The following FLACC1 variants were observed in gnomAD, a reference collection of about 807,000 sequenced individuals.
The protein encoded by FLACC1 is flagellum associated containing coiled-coil domains 1.
FLACC1 carries 66 observed loss-of-function variants against 62.8 expected under a neutral mutation model. The observed-to-expected ratio is 1.05, with a 90% CI of 0.86 to 1.29. The LOEUF (loss-of-function observed/expected upper bound fraction) is 1.29. Among genes scored for constraint, FLACC1 ranks in the 50% most tolerant of loss-of-function variants. The pLI is 0.00. For missense variants in FLACC1, 452 were observed against 489.1 expected (o/e 0.92, Z 0.71); for synonymous variants, 156 against 161.0 (o/e 0.97, Z 0.24).
intron 7 of FLACC1, among the ~76,000 whole-genome samples, chr2:201,338,516 A>G (rs1005938884): frequency 6.6e-6 from 1 of 152,142 alleles, no homozygotes; most frequent in Non-Finnish European, 1.5e-5. Context: ...TTCCCTGTTC[A>G]GTATGATGAT....
At chr2:201,300,670 G>A (rs752561313) in intron 11 of FLACC1, among the ~76,000 whole-genome samples, 13 of 151,862 alleles carry the variant, frequency 8.6e-5, no homozygotes, top group Non-Finnish European at 1.5e-4. Flanking sequence ...GGGAGGCACC[G>A]CCCAGTAGGG....
intron 6 of FLACC1, among the ~76,000 whole-genome samples, chr2:201,343,162 G>T (rs2125611820): frequency 6.6e-6 from 1 of 152,216 alleles, no homozygotes; most frequent in South Asian, 2.1e-4. Flanking sequence ...CCTTCCACAG[G>T]GCCACACAAC....
intron 9 of FLACC1, among the ~76,000 whole-genome samples, chr2:201,328,063 C>T (rs1412182775): frequency 6.6e-6 from 1 of 151,954 alleles, no homozygotes; most frequent in Admixed American, 6.6e-5. Context: ...GAGTGGAAAA[C>T]CAAAAACTGT....
At chr2:201,334,175 A>AT (rs1156543890) in intron 7 of FLACC1, among the ~76,000 whole-genome samples, 2 of 9,216 alleles carry the variant, frequency 2.2e-4, no homozygotes, top group African/African-American at 2.4e-4. Context: ...GAAGATGAGC[A>AT]TTTTTTCATG....
chr2:201,346,785 C>A lies in FLACC1; in HGVS notation c.235-110G>T. ...TCTTAAAAACAGGGACCTGGGACTC[C>A]ACAGCCCAAGCCCTTCTGGGCCCTT... On this transcript the variant is annotated intron_variant, in intron 4 of 14. Coordinates refer to ENST00000392257, the MANE Select transcript of FLACC1 (RefSeq NM_001127391.3). This position sits in a 1 kb window ranked among gnomAD's most constrained non-coding sequence, Gnocchi z 4.0. The A allele has an allele frequency of 7.2e-7, 1 of 1,394,310 alleles. No homozygotes were observed. The highest frequency in any genetic ancestry group is 2.3e-5 in the East Asian group (1 of 43,100). 86.4% of individuals were successfully genotyped at this position (1,394,310 alleles called of 1,614,324 possible).
chr2:201,303,118 T>A (rs1490793820), intron 11 of FLACC1, among the ~76,000 whole-genome samples: 1 of 151,622 alleles, frequency 6.6e-6, no homozygotes, highest in Non-Finnish European at 1.5e-5. Context: ...CAAAAACCCT[T>A]CAAAAAATCA....
At chr2:201,303,654 G>A (rs558769880) in intron 11 of FLACC1, among the ~76,000 whole-genome samples, 1 of 152,300 alleles carries the variant, frequency 6.6e-6, no homozygotes, top group South Asian at 2.1e-4. Flanking sequence ...CAATATCCCT[G>A]ATGAACATCG....
At chr2:201,304,436 G>A (rs1371652431) in intron 11 of FLACC1, among the ~76,000 whole-genome samples, 2 of 152,088 alleles carry the variant, frequency 1.3e-5, no homozygotes, top group African/African-American at 2.4e-5. Context: ...AAAAGAGGAT[G>A]CAAACAAATG....
intron 9 of FLACC1, among the ~76,000 whole-genome samples, chr2:201,319,439 A>C (rs1175385921): frequency 1.3e-5 from 2 of 152,210 alleles, no homozygotes; most frequent in Non-Finnish European, 2.9e-5. Context: ...ACCATTCTGA[A>C]CACTGGCCTT....
intron 9 of FLACC1, among the ~76,000 whole-genome samples, chr2:201,318,552 C>T (rs1232174092): frequency 6.6e-6 from 1 of 152,038 alleles, no homozygotes; most frequent in Non-Finnish European, 1.5e-5. Flanking sequence ...GAGATACCAC[C>T]TTACTCCTAC....
chr2:201,323,784 C>CAATAAAAAA (rs1950448445), intron 9 of FLACC1, among the ~76,000 whole-genome samples: 1 of 52,768 alleles, frequency 1.9e-5, no homozygotes, highest in Non-Finnish European at 3.3e-5. Context: ...CAGACTCTAT[C>CAATAAAAAA]AAAAAAAAAA....
At chr2:201,343,346 C>T (rs909148606) in intron 6 of FLACC1, among the ~76,000 whole-genome samples, 4 of 152,206 alleles carry the variant, frequency 2.6e-5, no homozygotes, top group African/African-American at 9.7e-5. Flanking sequence ...TGTTTAACTT[C>T]CCTGAGTCTC....
intron 12 of FLACC1, among the ~76,000 whole-genome samples, chr2:201,291,523 T>G (rs1394696281): frequency 6.6e-6 from 1 of 152,214 alleles, no homozygotes; most frequent in Non-Finnish European, 1.5e-5. Flanking sequence ...AAACCCCATC[T>G]GTACGTCACT....
At chr2:201,295,740 GAAAATTTTTGCAACCTACTCATCTGA>G (rs1176643416) in intron 12 of FLACC1, among the ~76,000 whole-genome samples, 2 of 152,018 alleles carry the variant, frequency 1.3e-5, no homozygotes, top group African/African-American at 4.8e-5. Context: ...CAGAATGAGA[GAAAATTTTTGCAACCTACTCATCTGA>G]CAAAGGGTTA....
At chr2:201,298,317 A>G (rs1240664597) in intron 12 of FLACC1, among the ~76,000 whole-genome samples, 4 of 152,230 alleles carry the variant, frequency 2.6e-5, no homozygotes, top group Admixed American at 2.0e-4. Context: ...CAGGCAACTT[A>G]ACTGCATCCC....
chr2:201,352,921 G>C (rs539358166), intron 1 of FLACC1, among the ~76,000 whole-genome samples: 1 of 152,300 alleles, frequency 6.6e-6, no homozygotes, highest in Non-Finnish European at 1.5e-5. Flanking sequence ...CCAAGGAATC[G>C]GGGCAGCATC....
At chr2:201,340,680 T>C (rs1316403927) in intron 7 of FLACC1, among the ~76,000 whole-genome samples, 4 of 152,254 alleles carry the variant, frequency 2.6e-5, no homozygotes, top group African/African-American at 9.6e-5. Context: ...TAAAGTATTC[T>C]GAGTATGGCT....
At chr2:201,362,934 T>C in the FLACC1 span, among the ~76,000 whole-genome samples, 2 of 152,022 alleles carry the variant, frequency 1.3e-5, no homozygotes, top group Non-Finnish European at 2.9e-5. Context: ...AGGCCTGAGG[T>C]GGGAGGAGAG....
intron 12 of FLACC1, among the ~76,000 whole-genome samples, chr2:201,294,703 A>G (rs1343198881): frequency 6.6e-6 from 1 of 152,228 alleles, no homozygotes; most frequent in Admixed American, 6.5e-5. Context: ...AATAAAGGGT[A>G]TTCAATTAGG....
Sources: gnomAD v4.1 joint callset for allele counts (sites outside exome capture counted in the v4.1 genomes callset) on GRCh38, gnomAD v4.1.1 for gene constraint, Gnocchi (gnomAD v3.1) non-coding constraint, MANE v1.5 for transcripts, NCBI Gene and HGNC (gene_info 2026-07-23, HGNC 2026-07-21) for gene names.